NFATC1: variants seen among roughly 807,000 people sequenced by gnomAD.
NFATC1 encodes nuclear factor of activated T-cells, cytoplasmic 1.
In NFATC1, 22 loss-of-function variants were observed where a neutral mutation model predicts 76.0. The ratio of observed to expected loss-of-function variants is 0.29; its 90% confidence interval spans 0.21 to 0.41. The LOEUF (loss-of-function observed/expected upper bound fraction) is 0.41, where lower values mean the gene tolerates loss of function less well. NFATC1 is among the 10% of genes least tolerant of loss of function. The probability of loss-of-function intolerance (pLI) is 1.00; values close to 1 mark genes in which losing one functional copy is unlikely to be tolerated. For synonymous variants in NFATC1, 704 were observed against 613.1 expected (o/e 1.15, Z -2.19); for missense variants, 1,357 against 1,337.7 (o/e 1.01, Z -0.23).
At chr18:79,502,948 G>T (rs544572675) in intron 9 of NFATC1, among the ~76,000 whole-genome samples, 4 of 152,212 alleles carry the variant, frequency 2.6e-5, no homozygotes, top group Non-Finnish European at 5.9e-5. Flanking sequence ...CTTGCCATGT[G>T]ACTCAGCAGT....
At chr18:79,514,918 C>T (rs144700336) in intron 9 of NFATC1, among the ~76,000 whole-genome samples, 1,763 of 152,062 alleles carry the variant, frequency 0.012, 41 homozygotes, top group African/African-American at 0.04. Flanking sequence ...GTAGCATGCA[C>T]CTGTGGTCCC....
intron 9 of NFATC1, among the ~76,000 whole-genome samples, chr18:79,488,298 T>TTGTGTGTGTGTGTGTGTGTGTGTG (rs3222211): frequency 7.1e-6 from 1 of 141,010 alleles, no homozygotes; most frequent in African/African-American, 3.0e-5. Flanking sequence ...GCAGCCCTGG[T>TTGTGTGTGTGTGTGTGTGTGTGTG]TGTGTGTGTG....
intron 8 of NFATC1, chr18:79,470,808 T>C (rs1032155407): frequency 6.6e-6 from 1 of 152,272 alleles, no homozygotes; most frequent in African/African-American, 2.4e-5. Flanking sequence ...CCTCCGGGAA[T>C]CAGGCATCTG....
chr18:79,517,831 A>G (rs183241087), intron 9 of NFATC1, among the ~76,000 whole-genome samples: 11 of 152,358 alleles, frequency 7.2e-5, no homozygotes, highest in East Asian at 1.9e-4. Flanking sequence ...GTTTTGTGCA[A>G]TTAAGTTAGT....
In NFATC1 at chr18:79,411,329, C is replaced by A. The variant is rs775901642; in HGVS notation, c.1054C>A (p.Pro352Thr). 2 of 1,600,012 alleles carry A rather than the reference C, an allele frequency of 1.2e-6. No individual in the cohort carries two copies. The highest frequency in any genetic ancestry group is 3.4e-5 in the Admixed American group (2 of 59,096). Residue 352 changes from proline to threonine, a missense_variant, in exon 2 of 10, where the codon CCC (proline) becomes ACC (threonine). Physicochemically the swap from Pro to Thr is conservative, Grantham distance 38. Around this residue, in one of 3 missense-constraint regions of NFATC1, gnomAD observed 691 missense variants for 613.1 expected, o/e 1.13. Coordinates refer to ENST00000427363, the MANE Select transcript of NFATC1 (RefSeq NM_001278669.2). ...GCCCTCAGTGGCGCTCAAGGTGGAG[C>A]CCGTCGGGGAGGACCTGGGCAGCCC... is the stretch of plus-strand genomic sequence containing the variant. Reference protein sequence around the residue: ...QPPSVALKVEPVGEDLGSPPP... With the variant: ...QPPSVALKVETVGEDLGSPPP...
At chr18:79,519,523 G>A (rs954067046) in intron 9 of NFATC1, among the ~76,000 whole-genome samples, 1 of 137,284 alleles carries the variant, frequency 7.3e-6, no homozygotes, top group East Asian at 2.1e-4. Flanking sequence ...TTGTAGAGAT[G>A]GGGGGTGGTC....
chr18:79,515,434 A>T (rs2090355425), intron 9 of NFATC1, among the ~76,000 whole-genome samples: 6 of 151,258 alleles, frequency 4.0e-5, no homozygotes, highest in Admixed American at 3.9e-4. Flanking sequence ...GGCCCACAGG[A>T]TACCTGCAGT....
intron 6 of NFATC1, among the ~76,000 whole-genome samples, chr18:79,457,783 CCCTGCTGG>C (rs202104205): frequency 0.012 from 1,845 of 152,284 alleles, 42 homozygotes; most frequent in African/African-American, 0.04. Context: ...TCTGGCTGCT[CCCTGCTGG>C]CCTGCTGGGG....
chr18:79,481,769 T>TTCCAGCGTGACCTGGTCCTGGGGTGTCAC (rs1451731559), intron 8 of NFATC1, among the ~76,000 whole-genome samples: 2 of 152,180 alleles, frequency 1.3e-5, no homozygotes, highest in Non-Finnish European at 2.9e-5. Context: ...TGGGGTGTAA[T>TTCCAGCGTGACCTGGTCCTGGGGTGTCAC]TCCAGCGTGA....
chr18:79,410,920 G>T lies in NFATC1; in HGVS notation c.645G>T (p.Thr215=). 6.2e-7 allele frequency: 1 copy of T among 1,605,922 alleles called. No individual in the cohort carries two copies. Among genetic ancestry groups the T allele is most frequent in the Non-Finnish European group, 8.5e-7 (1 of 1,177,402 alleles). Residue 215 remains threonine, a synonymous_variant, in exon 2 of 10, where the codon ACG becomes ACT. Coordinates refer to ENST00000427363, the MANE Select transcript of NFATC1 (RefSeq NM_001278669.2). This position sits in a 1 kb window ranked among gnomAD's most constrained non-coding sequence, Gnocchi z 6.7. ...CTCCCTGCGTGTCTCCCAAGACCACGGACCCCGAGGAGGGCTTTCCCCGCG... is the reference window on the plus strand; with the variant it reads ...CTCCCTGCGTGTCTCCCAAGACCACTGACCCCGAGGAGGGCTTTCCCCGCG... ...WQSPCVSPKT[T]DPEEGFPRGL...
Position 79,475,449 on chromosome 18 carries a change from C to T in NFATC1, c.2092+7867C>T, listed in dbSNP as rs370344998. On this transcript the variant is annotated intron_variant, in intron 8 of 9. Coordinates refer to ENST00000427363, the MANE Select transcript of NFATC1 (RefSeq NM_001278669.2). Reference sequence around the variant, plus strand: ...CCCGAGGGAAGCGTGTTCTCACGCTCACTGTCAACGTTGTGAGGGAAGGGT... The same window carrying T: ...CCCGAGGGAAGCGTGTTCTCACGCTTACTGTCAACGTTGTGAGGGAAGGGT... 5.3e-5 allele frequency among the ~76,000 whole-genome samples: 8 copies of T among 151,644 alleles called. No individual in the cohort carries two copies. The East Asian group carries it at 1.4e-3, about 26-fold the overall frequency.
intron 2 of NFATC1, 74 bp downstream of exon 2, chr18:79,411,575 C>CG (rs1263468300): frequency 4.5e-5 from 32 of 716,938 alleles, no homozygotes; most frequent in African/African-American, 5.8e-5. Context: ...GGGAGCGGGA[C>CG]GGGGGGCGGC....
intron 8 of NFATC1, among the ~76,000 whole-genome samples, chr18:79,481,315 G>A (rs1417118697): frequency 6.6e-6 from 1 of 152,268 alleles, no homozygotes; most frequent in Non-Finnish European, 1.5e-5. Flanking sequence ...AATGACTCCA[G>A]CTCTGTAGTC....
intron 1 of NFATC1, among the ~76,000 whole-genome samples, chr18:79,407,743 C>T (rs2085491614): frequency 1.3e-5 from 2 of 152,240 alleles, no homozygotes; most frequent in Admixed American, 1.3e-4. Context: ...CCGCGCCTGG[C>T]CACCTCCTTG....
intron 8 of NFATC1, among the ~76,000 whole-genome samples, chr18:79,485,274 G>T (rs566543539): frequency 1.3e-5 from 2 of 152,226 alleles, no homozygotes; most frequent in Non-Finnish European, 2.9e-5. Context: ...CGTAGCATTC[G>T]CTCAGAGTGG....
chr18:79,450,371 A>G (rs1411228955), intron 4 of NFATC1, among the ~76,000 whole-genome samples: 4 of 149,798 alleles, frequency 2.7e-5, no homozygotes, highest in African/African-American at 9.7e-5. Flanking sequence ...TATAGTGGAA[A>G]TAATAGAATA....
intron 1 of NFATC1, among the ~76,000 whole-genome samples, chr18:79,407,967 G>A (rs1199911442): frequency 6.7e-6 from 1 of 148,838 alleles, no homozygotes; most frequent in East Asian, 2.1e-4. Flanking sequence ...CACCTGTGAG[G>A]TGTGGCTCCA....
At chr18:79,401,249 G>C (rs1230171782) in intron 1 of NFATC1, among the ~76,000 whole-genome samples, 3 of 151,188 alleles carry the variant, frequency 2.0e-5, no homozygotes, top group Non-Finnish European at 2.9e-5. Flanking sequence ...TCAAGGCCTC[G>C]TGTCTGCCCT....
At chr18:79,504,108 G>A (rs1325605289) in intron 9 of NFATC1, among the ~76,000 whole-genome samples, 2 of 151,998 alleles carry the variant, frequency 1.3e-5, no homozygotes, top group East Asian at 1.9e-4. Flanking sequence ...AGGCTGTTCC[G>A]CCCTCTTATC....
Sources: allele counts gnomAD v4.1 joint callset (sites outside exome capture counted in the v4.1 genomes callset), GRCh38; gene constraint gnomAD v4.1.1; regional missense constraint gnomAD v4.1.1; non-coding constraint Gnocchi (gnomAD v3.1); transcripts MANE v1.5; gene names NCBI Gene and HGNC (gene_info 2026-07-23, HGNC 2026-07-21).